Variants in TBC1D14 observed in about 807,000 individuals in gnomAD.
TBC1D14 encodes the protein TBC1 domain family member 14.
In TBC1D14, 26 loss-of-function variants were observed where a neutral mutation model predicts 79.0. That is an observed-to-expected ratio of 0.33 (90% CI 0.24 to 0.46). The LOEUF is 0.46. TBC1D14 is among the 20% of genes least tolerant of loss of function. The probability of loss-of-function intolerance (pLI) is 1.00; values close to 1 mark genes in which losing one functional copy is unlikely to be tolerated. For synonymous variants in TBC1D14, 394 were observed against 349.9 expected (o/e 1.13, Z -1.40); for missense variants, 769 against 887.6 (o/e 0.87, Z 1.70).
chr4:6,927,729 C>T (rs1724405342), intron 2 of TBC1D14, among the ~76,000 whole-genome samples: 1 of 152,188 alleles, frequency 6.6e-6, no homozygotes, highest in African/African-American at 2.4e-5. Flanking sequence ...ATGCCAGCAG[C>T]ACTCCCCAAG....
At chr4:6,935,225 T>C (rs1245157430) in intron 2 of TBC1D14, among the ~76,000 whole-genome samples, 1 of 151,846 alleles carries the variant, frequency 6.6e-6, no homozygotes, top group Non-Finnish European at 1.5e-5. Context: ...AGAAGTGGTG[T>C]GATTTTTTTT....
rs199958634 is a variant in TBC1D14, at chr4:6,996,334, A to G, written c.972A>G (p.Pro324=). The G allele has an allele frequency of 4.2e-5, 67 of 1,613,762 alleles. No individual in the cohort carries two copies. The East Asian group carries it at 1.4e-3, about 34-fold the overall frequency. Residue 324 remains proline (P), a synonymous_variant, in exon 5 of 14, where the codon CCA becomes CCG. Transcript: ENST00000409757. Reference sequence around the variant, plus strand: ...TTTCTTTCCTGTCAAGAAATCTCCCAGCAAAACCAGCTGAAGAAGCTCAGA... The same window carrying G: ...TTTCTTTCCTGTCAAGAAATCTCCCGGCAAAACCAGCTGAAGAAGCTCAGA... ...LILEDRPANL[P]AKPAEEAQKH...
intron 2 of TBC1D14, among the ~76,000 whole-genome samples, chr4:6,935,159 T>A (rs79701460): frequency 0.017 from 2,575 of 152,164 alleles, 76 homozygotes; most frequent in African/African-American, 0.058. Context: ...GAGCAGATGA[T>A]TCTTTTGGTG....
intron 1 of TBC1D14, chr4:6,910,595 T>A (rs1478879495): frequency 3.3e-5 from 5 of 152,200 alleles, no homozygotes; most frequent in African/African-American, 9.7e-5. Flanking sequence ...GGTAGCTGCC[T>A]TGAGGAGTAA....
chr4:7,013,894 C>T (rs188756859), intron 11 of TBC1D14, among the ~76,000 whole-genome samples: 1 of 152,288 alleles, frequency 6.6e-6, no homozygotes, highest in Non-Finnish European at 1.5e-5. Flanking sequence ...CAGGCGCCCG[C>T]CACCACGCCT....
intron 3 of TBC1D14, among the ~76,000 whole-genome samples, chr4:6,984,676 C>T (rs1237204410): frequency 1.3e-5 from 2 of 152,196 alleles, no homozygotes; most frequent in Non-Finnish European, 2.9e-5. Flanking sequence ...CCTCCCAGGC[C>T]TTTCTCTGAG....
intron 6 of TBC1D14, among the ~76,000 whole-genome samples, chr4:7,000,699 G>T (rs1299115706): frequency 1.3e-5 from 2 of 152,194 alleles, no homozygotes; most frequent in African/African-American, 4.8e-5. Flanking sequence ...GTGGTGCGAT[G>T]GCCGTCTGCT....
At chr4:6,968,673 C>CGGGAGGAGGCTGGCTGCT (rs1715923096) in intron 3 of TBC1D14, among the ~76,000 whole-genome samples, 1 of 51,220 alleles carries the variant, frequency 2.0e-5, no homozygotes, top group Non-Finnish European at 5.4e-5. Flanking sequence ...GGCTGACCGC[C>CGGGAGGAGGCTGGCTGCT]GGGAGGAGGC....
At chr4:6,949,661 C>T (rs1425952373) in intron 2 of TBC1D14, among the ~76,000 whole-genome samples, 4 of 131,502 alleles carry the variant, frequency 3.0e-5, no homozygotes, top group South Asian at 2.4e-4. Flanking sequence ...CCGACCTGGG[C>T]GACAGAGCAA....
At chr4:6,972,495 T>C (rs1479954179) in intron 3 of TBC1D14, among the ~76,000 whole-genome samples, 1 of 152,322 alleles carries the variant, frequency 6.6e-6, no homozygotes, top group East Asian at 1.9e-4. Flanking sequence ...CGGTTTCCTT[T>C]GCTAGGTCCC....
intron 2 of TBC1D14, among the ~76,000 whole-genome samples, chr4:6,930,975 ACTGCAACCT>A (rs1268530949): frequency 1.3e-5 from 2 of 151,896 alleles, no homozygotes; most frequent in Non-Finnish European, 2.9e-5. Context: ...ATCTCGGCTC[ACTGCAACCT>A]CTGCCTCCCG....
intron 13 of TBC1D14, among the ~76,000 whole-genome samples, chr4:7,025,582 C>A (rs928679279): frequency 1.3e-5 from 2 of 152,176 alleles, no homozygotes; most frequent in African/African-American, 2.4e-5. Flanking sequence ...AAGCCACGTA[C>A]CCCCCTTTTT....
intron 3 of TBC1D14, among the ~76,000 whole-genome samples, chr4:6,981,087 C>T (rs1469409798): frequency 1.3e-4 from 18 of 141,866 alleles, no homozygotes; most frequent in East Asian, 2.1e-4. Flanking sequence ...TGCAGTGGTG[C>T]GACCTCAGCT....
At chr4:6,953,224 C>T (rs567371753) in intron 2 of TBC1D14, among the ~76,000 whole-genome samples, 1 of 148,378 alleles carries the variant, frequency 6.7e-6, no homozygotes, top group African/African-American at 2.4e-5. Context: ...GGGGTTTCAC[C>T]ATCTTGGCCA....
intron 7 of TBC1D14, among the ~76,000 whole-genome samples, chr4:7,002,872 A>G (rs115814473): frequency 5.0e-4 from 76 of 152,302 alleles, no homozygotes; most frequent in African/African-American, 1.6e-3. Flanking sequence ...TTTAATATTG[A>G]CAGTGCGACC....
intron 3 of TBC1D14, among the ~76,000 whole-genome samples, chr4:6,985,395 C>CT (rs1332663302): frequency 2.6e-5 from 4 of 152,102 alleles, no homozygotes; most frequent in African/African-American, 9.7e-5. Context: ...CGACTTTTAC[C>CT]TTTTTTAAAA....
At chr4:6,989,196 G>C (rs1436623419) in intron 3 of TBC1D14, among the ~76,000 whole-genome samples, 1 of 152,094 alleles carries the variant, frequency 6.6e-6, no homozygotes, top group East Asian at 1.9e-4. Flanking sequence ...GCACTGTGCA[G>C]ATCACACGTG....
intron 3 of TBC1D14, among the ~76,000 whole-genome samples, chr4:6,990,925 ATCCT>A (rs1157962483): frequency 6.6e-6 from 1 of 152,148 alleles, no homozygotes; most frequent in East Asian, 1.9e-4. Context: ...TCCCTCCGGG[ATCCT>A]GGGAGTGAAC....
chr4:6,930,340 G>A lies in TBC1D14; in HGVS notation c.722+6229G>A, dbSNP rs574912289. The stretch of plus-strand genomic sequence containing the variant: ...GCTGGAGTCAGCCGTTTGTCACGGG[G>A]CCTGCTGCTGGGTTGGTGGCCTTTG... On this transcript the variant is annotated intron_variant, in intron 2 of 13. Transcript: ENST00000409757. 2.6e-5 allele frequency among the ~76,000 whole-genome samples: 4 copies of A among 152,338 alleles called. No individual in the cohort carries two copies. In the South Asian group the frequency reaches 8.3e-4, roughly 32 times the overall value.
Sources: allele counts gnomAD v4.1 joint callset (sites outside exome capture counted in the v4.1 genomes callset), GRCh38; gene constraint gnomAD v4.1.1; transcripts MANE v1.5; gene names NCBI Gene and HGNC (gene_info 2026-07-23, HGNC 2026-07-21).